The following SLC66A1 variants were observed in gnomAD, a reference collection of about 807,000 sequenced individuals.
SLC66A1 encodes the protein lysosomal amino acid transporter 1 homolog.
In SLC66A1, 23 loss-of-function variants were observed where a neutral mutation model predicts 33.0. The ratio of observed to expected loss-of-function variants is 0.70; its 90% CI spans 0.50 to 0.99. The LOEUF (loss-of-function observed/expected upper bound fraction) is 0.99. SLC66A1 is among the 50% of genes least tolerant of loss of function. SLC66A1 has a pLI of 0.00. For synonymous variants in SLC66A1, 164 were observed against 175.5 expected (o/e 0.93, Z 0.52); for missense variants, 335 against 383.6 (o/e 0.87, Z 1.06).
intron 1 of SLC66A1, among the ~76,000 whole-genome samples, chr1:19,313,711 G>T (rs1209433996): frequency 6.6e-6 from 1 of 152,238 alleles, no homozygotes; most frequent in South Asian, 2.1e-4. Context: ...GGGTCAGGAG[G>T]CAGGAGATAA....
At chr1:19,325,008 T>C (rs2093856343) in intron 3 of SLC66A1, among the ~76,000 whole-genome samples, 1 of 152,230 alleles carries the variant, frequency 6.6e-6, no homozygotes, top group African/African-American at 2.4e-5. Context: ...TTTCGGGGTC[T>C]TCCACCTCCA....
intron 1 of SLC66A1, among the ~76,000 whole-genome samples, chr1:19,315,388 T>G (rs1341959798): frequency 2.0e-5 from 3 of 152,264 alleles, no homozygotes; most frequent in African/African-American, 7.2e-5. Flanking sequence ...TGAGCTGGGC[T>G]GACAGTGACC....
At chr1:19,331,860 A>G (rs1230294438), downstream of SLC66A1, among the ~76,000 whole-genome samples, 2 of 152,128 alleles carry the variant, frequency 1.3e-5, no homozygotes, top group Non-Finnish European at 2.9e-5. Context: ...CCCTTCTCTG[A>G]TGGGGTGACA....
downstream of SLC66A1, among the ~76,000 whole-genome samples, chr1:19,331,990 G>C (rs1027073103): frequency 6.6e-6 from 1 of 152,202 alleles, no homozygotes; most frequent in African/African-American, 2.4e-5. Flanking sequence ...CTCCCCCTGG[G>C]GAGTGCCCTG....
chr1:19,332,142 C>T (rs140428479), downstream of SLC66A1, among the ~76,000 whole-genome samples: 23 of 152,320 alleles, frequency 1.5e-4, no homozygotes, highest in East Asian at 4.2e-3. Flanking sequence ...AACTTGGTGG[C>T]CTGGGTCCCT....
intron 3 of SLC66A1, 63 bp from the exon 4 acceptor site, chr1:19,325,432 G>C: frequency 1.7e-6 from 2 of 1,184,528 alleles, no homozygotes; most frequent in Non-Finnish European, 2.5e-6. Flanking sequence ...ACAGAGGGCT[G>C]CCGGGGCGTG....
chr1:19,324,901 ATCCTTC>A, intron 3 of SLC66A1, 139 bp downstream of exon 3: 1 of 1,216,784 alleles, frequency 8.2e-7, no homozygotes, highest in Non-Finnish European at 1.1e-6. Flanking sequence ...GGAGGGCCCC[ATCCTTC>A]TGTCTGCCGA....
downstream of SLC66A1, among the ~76,000 whole-genome samples, chr1:19,333,677 T>C (rs2093897904): frequency 6.6e-6 from 1 of 152,062 alleles, no homozygotes; most frequent in African/African-American, 2.4e-5. This position sits in a 1 kb window ranked among gnomAD's most constrained non-coding sequence, Gnocchi z 4.2. Flanking sequence ...ACTGGCCAGG[T>C]GAGGCGACTC....
chr1:19,327,081 T>G, intron 6 of SLC66A1, 146 bp from the exon 7 acceptor site: 2 of 810,280 alleles, frequency 2.5e-6, no homozygotes, highest in South Asian at 3.5e-5. Flanking sequence ...CTCTTCTGTG[T>G]GTCGGGCCCA....
In SLC66A1 at chr1:19,312,365, C is replaced by G. The variant is rs927866074; in HGVS notation, c.-603C>G. 2 of 247,922 alleles carry G rather than the reference C, an allele frequency of 8.1e-6. No individual in the cohort carries two copies. Among genetic ancestry groups the G allele is most frequent in the Non-Finnish European group, 1.5e-5 (2 of 132,294 alleles). The allele number at this position is 247,922 out of a possible 1,614,324, so 15.4% of individuals were successfully genotyped here. ...GGCGGCGGATCTGGACGTGGTGAGC[C>G]GGACCGGGGGCAGGTGGCAAACTTC... On this transcript the variant is annotated 5_prime_UTR_variant, in exon 1 of 8. Transcript: ENST00000375153.
chr1:19,334,062 G>A (rs961192344), downstream of SLC66A1, among the ~76,000 whole-genome samples: 2 of 152,126 alleles, frequency 1.3e-5, no homozygotes, highest in Non-Finnish European at 2.9e-5. Context: ...ACAGCCCTGG[G>A]GACACAGTCA....
At chr1:19,332,073 C>T (rs542366399), downstream of SLC66A1, among the ~76,000 whole-genome samples, 2 of 152,332 alleles carry the variant, frequency 1.3e-5, no homozygotes, top group South Asian at 2.1e-4. Context: ...TGAGTCTCCT[C>T]TCCCTTGGAG....
intron 2 of SLC66A1, among the ~76,000 whole-genome samples, chr1:19,320,565 C>T (rs1436496485): frequency 4.0e-5 from 6 of 151,812 alleles, no homozygotes; most frequent in Non-Finnish European, 7.4e-5. Flanking sequence ...AGGCACCTGC[C>T]ACCACGCCTG....
downstream of SLC66A1, among the ~76,000 whole-genome samples, chr1:19,331,934 G>A (rs1041951143): frequency 6.6e-6 from 1 of 152,304 alleles, no homozygotes; most frequent in East Asian, 1.9e-4. Context: ...AGGAGCTATG[G>A]TTCCTTCCTC....
At position 19,328,710 on chromosome 1, in the gene SLC66A1, G is replaced by C; in HGVS notation, c.*67G>C. The C allele has an allele frequency of 6.5e-7, 1 of 1,543,866 alleles. No homozygotes were observed. Among genetic ancestry groups the C allele is most frequent in the Non-Finnish European group, 8.9e-7 (1 of 1,125,944 alleles). On this transcript the variant is annotated 3_prime_UTR_variant, in exon 8 of 8. Coordinates refer to ENST00000375153, the MANE Select transcript of SLC66A1 (RefSeq NM_001040125.2). This position sits in a 1 kb window ranked among gnomAD's most constrained non-coding sequence, Gnocchi z 4.7. ...GCCACACCAGGCAGGAGGAGGTGTG[G>C]ACAGTGATGGTACGGCGGCCCTGCA...
At chr1:19,321,372 G>T (rs1258762761) in intron 2 of SLC66A1, among the ~76,000 whole-genome samples, 1 of 148,154 alleles carries the variant, frequency 6.7e-6, no homozygotes, top group Non-Finnish European at 1.5e-5. Flanking sequence ...TAGAGACAAG[G>T]TCTCACTGTA....
chr1:19,320,502 CT>C (rs1272542274), intron 2 of SLC66A1, among the ~76,000 whole-genome samples: 1 of 149,252 alleles, frequency 6.7e-6, no homozygotes, highest in Non-Finnish European at 1.5e-5. Context: ...CAAGCTCTGC[CT>C]TCCGGGTTCA....
intron 3 of SLC66A1, among the ~76,000 whole-genome samples, chr1:19,325,116 G>T (rs972261088): frequency 1.3e-5 from 2 of 152,236 alleles, no homozygotes; most frequent in Admixed American, 1.3e-4. Context: ...GCTCCTGTGG[G>T]CAGGCAGAGC....
At chr1:19,327,041 T>TG (rs749529935) in intron 6 of SLC66A1, among the ~76,000 whole-genome samples, 186 bp from the exon 7 acceptor site, 29 of 152,036 alleles carry the variant, frequency 1.9e-4, no homozygotes, top group East Asian at 1.9e-4. Flanking sequence ...GGCAGGGGCC[T>TG]GGGGGGGCTT....
Sources: allele counts gnomAD v4.1 joint callset (sites outside exome capture counted in the v4.1 genomes callset), GRCh38; gene constraint gnomAD v4.1.1; non-coding constraint Gnocchi (gnomAD v3.1); transcripts MANE v1.5; gene names NCBI Gene and HGNC (gene_info 2026-07-23, HGNC 2026-07-21).